The following MRPS6 variants were observed in gnomAD, a reference collection of about 807,000 sequenced individuals.
The protein encoded by MRPS6 is mitochondrial ribosomal protein S6, also known as small ribosomal subunit protein bS6m.
Under a neutral mutation model 13.1 loss-of-function variants are expected in MRPS6, and 6 were observed. That is an observed-to-expected ratio of 0.46 (90% CI 0.25 to 0.91). The LOEUF (loss-of-function observed/expected upper bound fraction) is 0.91. Ranked by LOEUF, MRPS6 falls within the 40% of genes least tolerant of loss-of-function variation. The probability of loss-of-function intolerance (pLI) is 0.18; values close to 1 mark genes in which losing one functional copy is unlikely to be tolerated. For missense variants in MRPS6, 164 were observed against 155.6 expected (o/e 1.05, Z -0.29); for synonymous variants, 61 against 56.5 (o/e 1.08, Z -0.36).
At chr21:34,102,786 A>G (rs559034080) in intron 1 of MRPS6, 95 of 1,000,124 alleles carry the variant, frequency 9.5e-5, no homozygotes, top group African/African-American at 9.1e-4. Flanking sequence ...GAAAAGCACT[A>G]TAACATAATT....
chr21:34,135,742 A>C (rs1980674416), intron 2 of MRPS6: 1 of 452,450 alleles, frequency 2.2e-6, no homozygotes, highest in East Asian at 5.6e-5. Flanking sequence ...CTCGCCTGTG[A>C]GCAGGTGGAT....
chr21:34,077,379 C>CTAATTACGTCT (rs1989358004), intron 1 of MRPS6, among the ~76,000 whole-genome samples: 1 of 152,160 alleles, frequency 6.6e-6, no homozygotes. Flanking sequence ...TTTAGGAACG[C>CTAATTACGTCT]TAATTACGTC....
At chr21:34,122,818 C>T (rs887731190) in intron 1 of MRPS6, 2 of 151,854 alleles carry the variant, frequency 1.3e-5, no homozygotes, top group Non-Finnish European at 2.9e-5. Flanking sequence ...GGTCAAGAAA[C>T]AGCATTTTCA....
rs1017155772 is a variant in MRPS6, at chr21:34,096,143, C to T, written c.45+22398C>T. 27 of 1,613,964 alleles carry T rather than the reference C, an allele frequency of 1.7e-5. No homozygotes were observed. In the Admixed American group the frequency reaches 4.3e-4, roughly 26 times the overall value. The stretch of plus-strand genomic sequence containing the variant: ...TCCTGCCAATGTTTATCATAGTTGT[C>T]CCAGGAATGATTTCCAGGATACTGT... On this transcript the variant is annotated intron_variant, in intron 1 of 2. Transcript: ENST00000399312. This position sits in a 1 kb window ranked among gnomAD's most constrained non-coding sequence, Gnocchi z 5.9.
chr21:34,123,560 T>C (rs1980199096), intron 1 of MRPS6: 1 of 152,008 alleles, frequency 6.6e-6, no homozygotes, highest in African/African-American at 2.4e-5. Context: ...TTTTTTTTTA[T>C]GAAGATAAAA....
intron 1 of MRPS6, among the ~76,000 whole-genome samples, chr21:34,116,318 G>GT (rs543766044): frequency 0.06 from 7,758 of 129,142 alleles, 271 homozygotes; most frequent in Non-Finnish European, 0.072. Flanking sequence ...AATCATCCAT[G>GT]TTTTTTTTTT....
At chr21:34,134,889 C>A (rs2834386) in intron 2 of MRPS6, among the ~76,000 whole-genome samples, 2 of 152,022 alleles carry the variant, frequency 1.3e-5, no homozygotes, top group African/African-American at 4.8e-5. Context: ...GTAGGCTAAG[C>A]GTTCTGGGCA....
intron 1 of MRPS6, chr21:34,101,004 T>G: frequency 1.0e-6 from 1 of 1,000,186 alleles, no homozygotes; most frequent in Non-Finnish European, 1.2e-6. Flanking sequence ...TGGAAAGGGA[T>G]CACATGGGTC....
intron 2 of MRPS6, among the ~76,000 whole-genome samples, chr21:34,136,942 C>T (rs1012959521): frequency 6.6e-6 from 1 of 152,086 alleles, no homozygotes; most frequent in Non-Finnish European, 1.5e-5. Context: ...GAAGAAAGTT[C>T]GGTTTTTTTG....
chr21:34,099,546 T>C (rs117475305), intron 1 of MRPS6: 3 of 999,892 alleles, frequency 3.0e-6, no homozygotes, highest in South Asian at 4.7e-5. Flanking sequence ...AATTGACATA[T>C]TGGCTGGGCA....
intron 1 of MRPS6, among the ~76,000 whole-genome samples, chr21:34,076,350 C>T (rs1238804074): frequency 6.6e-6 from 1 of 152,136 alleles, no homozygotes; most frequent in Admixed American, 6.5e-5. Context: ...AATACAGGCC[C>T]TGTGTTGGCT....
At chr21:34,116,248 A>T (rs913536785) in intron 1 of MRPS6, among the ~76,000 whole-genome samples, 2 of 146,268 alleles carry the variant, frequency 1.4e-5, no homozygotes, top group Admixed American at 6.9e-5. Flanking sequence ...GGATTTAACC[A>T]TGTTGCTCAG....
At chr21:34,097,885 T>C in intron 1 of MRPS6, 1 of 997,232 alleles carries the variant, frequency 1.0e-6, no homozygotes, top group Non-Finnish European at 1.2e-6. Context: ...GTTCATTTTG[T>C]TAGCATGAGC....
chr21:34,125,961 TC>T (rs1980289845), intron 2 of MRPS6, among the ~76,000 whole-genome samples: 1 of 152,240 alleles, frequency 6.6e-6, no homozygotes, highest in African/African-American at 2.4e-5. Context: ...GAATTTTGTC[TC>T]CTACTGTGTA....
chr21:34,088,568 A>G (rs576887277), intron 1 of MRPS6, among the ~76,000 whole-genome samples: 1 of 152,244 alleles, frequency 6.6e-6, no homozygotes, highest in Non-Finnish European at 1.5e-5. Context: ...TTAAACACGC[A>G]TGATCTTTTA....
intron 1 of MRPS6, among the ~76,000 whole-genome samples, chr21:34,074,456 C>CTGGAG (rs1989274456): frequency 6.6e-6 from 1 of 152,218 alleles, no homozygotes; most frequent in Non-Finnish European, 1.5e-5. Flanking sequence ...TTTCTTCCCC[C>CTGGAG]TGCTTTTGAT....
chr21:34,076,161 CTA>C (rs1989325686), intron 1 of MRPS6, among the ~76,000 whole-genome samples: 1 of 152,162 alleles, frequency 6.6e-6, no homozygotes, highest in Non-Finnish European at 1.5e-5. Flanking sequence ...AGTTAAGAAA[CTA>C]TAGTTTTCCA....
intron 1 of MRPS6, among the ~76,000 whole-genome samples, chr21:34,109,061 C>A (rs546209404): frequency 6.6e-6 from 1 of 152,138 alleles, no homozygotes; most frequent in Non-Finnish European, 1.5e-5. Context: ...ATCTTCCAAC[C>A]CTTCTGTTGA....
At chr21:34,129,307 G>A (rs1448711825) in intron 2 of MRPS6, among the ~76,000 whole-genome samples, 1 of 152,170 alleles carries the variant, frequency 6.6e-6, no homozygotes, top group African/African-American at 2.4e-5. Context: ...CTGAGACTGA[G>A]AGGAAACTAT....
Sources: allele counts gnomAD v4.1 joint callset (sites outside exome capture counted in the v4.1 genomes callset), GRCh38; gene constraint gnomAD v4.1.1; non-coding constraint Gnocchi (gnomAD v3.1); transcripts MANE v1.5; gene names NCBI Gene and HGNC (gene_info 2026-07-23, HGNC 2026-07-21).